Variants in LRMDA observed in about 807,000 individuals in gnomAD.
LRMDA encodes leucine-rich melanocyte differentiation-associated protein.
Under a neutral mutation model 29.8 loss-of-function variants are expected in LRMDA, and 18 were observed. The observed-to-expected ratio is 0.60, with a 90% CI of 0.42 to 0.90. The LOEUF is 0.90. Ranked by LOEUF, LRMDA falls within the 40% of genes least tolerant of loss-of-function variation. The pLI, the probability that LRMDA is intolerant of heterozygous loss-of-function variation, is 0.00. For missense variants in LRMDA, 273 were observed against 273.9 expected (o/e 1.00, Z 0.02); for synonymous variants, 125 against 109.4 (o/e 1.14, Z -0.89).
chr10:76,161,705 AC>A (rs1850651159), intron 5 of LRMDA, among the ~76,000 whole-genome samples: 1 of 152,226 alleles, frequency 6.6e-6, no homozygotes. Flanking sequence ...AAAACTGTCC[AC>A]CTGGCCTTCC....
intron 2 of LRMDA, among the ~76,000 whole-genome samples, chr10:75,845,706 C>T (rs909621007): frequency 6.6e-6 from 1 of 152,158 alleles, no homozygotes; most frequent in Non-Finnish European, 1.5e-5. Flanking sequence ...ATGGCTCCCC[C>T]CTGGCACATC....
chr10:76,133,732 T>A (rs1850042551), intron 5 of LRMDA, among the ~76,000 whole-genome samples: 1 of 152,246 alleles, frequency 6.6e-6, no homozygotes, highest in African/African-American at 2.4e-5. Flanking sequence ...TGGAAAATGA[T>A]TGATGAGCTG....
intron 2 of LRMDA, among the ~76,000 whole-genome samples, chr10:76,005,957 AAATG>A (rs1425407560): frequency 8.1e-4 from 118 of 145,666 alleles, no homozygotes; most frequent in African/African-American, 2.9e-3. Flanking sequence ...ATAAATAAAT[AAATG>A]AACCAGCTGA....
At chr10:75,847,580 A>G (rs1194103485) in intron 2 of LRMDA, among the ~76,000 whole-genome samples, 1 of 152,190 alleles carries the variant, frequency 6.6e-6, no homozygotes, top group Non-Finnish European at 1.5e-5. Flanking sequence ...ATGTGATGGG[A>G]GGAAATATTT....
At chr10:76,406,269 T>C in intron 6 of LRMDA, among the ~76,000 whole-genome samples, 1 of 152,200 alleles carries the variant, frequency 6.6e-6, no homozygotes, top group East Asian at 1.9e-4. Flanking sequence ...TTTTAATGTC[T>C]GTTCTGTGGC....
At chr10:75,784,794 T>A (rs1036764149) in intron 2 of LRMDA, among the ~76,000 whole-genome samples, 2 of 151,922 alleles carry the variant, frequency 1.3e-5, no homozygotes, top group Non-Finnish European at 2.9e-5. Flanking sequence ...GATATAGAAA[T>A]GCATGATAAT....
At chr10:75,946,704 C>T (rs1335227596) in intron 2 of LRMDA, among the ~76,000 whole-genome samples, 2 of 152,136 alleles carry the variant, frequency 1.3e-5, no homozygotes, top group Admixed American at 6.5e-5. Flanking sequence ...CATTTTATAA[C>T]ATTAGTAACT....
In LRMDA at chr10:76,290,811, TGGAGAC is replaced by T. The variant is rs1407588738; in HGVS notation, c.517-33589_517-33584del. ...ATAAGGAGGTGCTATACCTTCAAGGTGGAGACATACCTTGCTTATTTAGTATATAAT... is the reference window on the plus strand; with the variant it reads ...ATAAGGAGGTGCTATACCTTCAAGGTATACCTTGCTTATTTAGTATATAAT... On this transcript the variant is annotated intron_variant, in intron 5 of 6. Coordinates refer to ENST00000611255, the MANE Select transcript of LRMDA (RefSeq NM_001305581.2). 5.9e-5 allele frequency among the ~76,000 whole-genome samples: 9 copies of T among 152,244 alleles called. No individual in the cohort carries two copies. The East Asian group carries it at 1.7e-3, about 29-fold the overall frequency.
intron 5 of LRMDA, among the ~76,000 whole-genome samples, chr10:76,132,914 C>T (rs540636466): frequency 1.5e-3 from 225 of 151,704 alleles, no homozygotes; most frequent in Non-Finnish European, 2.8e-3. Flanking sequence ...GCCATTCTCC[C>T]GCCTCAGCCT....
intron 2 of LRMDA, among the ~76,000 whole-genome samples, chr10:75,622,133 T>A (rs1174091281): frequency 6.6e-6 from 1 of 152,204 alleles, no homozygotes; most frequent in Non-Finnish European, 1.5e-5. Flanking sequence ...AAGGTAGCTG[T>A]GTGTATGCAT....
chr10:75,497,880 CTTTG>C (rs1302825135), intron 2 of LRMDA, among the ~76,000 whole-genome samples: 1 of 152,060 alleles, frequency 6.6e-6, no homozygotes. Flanking sequence ...ATATACAAGC[CTTTG>C]TTTGTATATA....
chr10:76,342,790 C>T (rs1471246074), intron 6 of LRMDA, among the ~76,000 whole-genome samples: 1 of 152,040 alleles, frequency 6.6e-6, no homozygotes, highest in Non-Finnish European at 1.5e-5. Context: ...CCAAAGCTGA[C>T]CCCAGAAGAG....
At chr10:75,842,735 AG>A (rs1163222854) in intron 2 of LRMDA, among the ~76,000 whole-genome samples, 2 of 152,024 alleles carry the variant, frequency 1.3e-5, no homozygotes, top group African/African-American at 4.8e-5. Flanking sequence ...TGGCCCAAAG[AG>A]GTGGAAAAGG....
chr10:75,525,592 CTT>C (rs11415547), intron 2 of LRMDA, among the ~76,000 whole-genome samples: 37 of 129,694 alleles, frequency 2.9e-4, no homozygotes, highest in African/African-American at 7.4e-4. Flanking sequence ...TTCTTTCTTT[CTT>C]TTTTTTTTTT....
chr10:76,262,759 A>C (rs1839959989), intron 5 of LRMDA, among the ~76,000 whole-genome samples: 1 of 152,092 alleles, frequency 6.6e-6, no homozygotes, highest in Admixed American at 6.6e-5. Context: ...TTTTCCCCAA[A>C]GCAAACCCTC....
rs1467920433 is a variant in LRMDA, at chr10:76,145,026, C to A, written c.516+86243C>A. Among the ~76,000 whole-genome samples the A allele has an allele frequency of 3.9e-5, 6 of 152,326 alleles. No homozygotes were observed. In the South Asian group the frequency reaches 1.0e-3, roughly 26 times the overall value. The stretch of plus-strand genomic sequence containing the variant: ...ATTTGCATATGTTGAACCAGCCTTG[C>A]ATCCAGGGATGAAGCCCAGTTGATC... On this transcript the variant is annotated intron_variant, in intron 5 of 6. Transcript: ENST00000611255.
chr10:75,967,779 G>C (rs543354902), intron 2 of LRMDA, among the ~76,000 whole-genome samples: 1 of 152,192 alleles, frequency 6.6e-6, no homozygotes, highest in African/African-American at 2.4e-5. Flanking sequence ...GGGCAGGGGT[G>C]GGGGAGGAGC....
At chr10:76,228,346 C>T (rs1036630656) in intron 5 of LRMDA, among the ~76,000 whole-genome samples, 1 of 152,078 alleles carries the variant, frequency 6.6e-6, no homozygotes, top group African/African-American at 2.4e-5. Flanking sequence ...TTTTAACCAC[C>T]CAAGGGGTTC....
intron 6 of LRMDA, among the ~76,000 whole-genome samples, chr10:76,343,386 A>G (rs1841064911): frequency 6.6e-6 from 1 of 152,234 alleles, no homozygotes; most frequent in Admixed American, 6.5e-5. Context: ...AAAGAATTAC[A>G]AACAGAATCT....
Sources: gnomAD v4.1 joint callset for allele counts (sites outside exome capture counted in the v4.1 genomes callset) on GRCh38, gnomAD v4.1.1 for gene constraint, MANE v1.5 for transcripts, NCBI Gene and HGNC (gene_info 2026-07-23, HGNC 2026-07-21) for gene names.